The following KCNK13 variants were observed in gnomAD, a reference collection of about 807,000 sequenced individuals.
KCNK13 encodes the protein potassium two pore domain channel subfamily K member 13.
KCNK13 carries 12 observed loss-of-function variants against 23.4 expected under a neutral mutation model. The ratio of observed to expected loss-of-function variants is 0.51; its 90% CI spans 0.33 to 0.83. The LOEUF is 0.83. KCNK13 is among the 40% of genes least tolerant of loss of function. The probability of loss-of-function intolerance (pLI) is 0.02; values close to 1 mark genes in which losing one functional copy is unlikely to be tolerated. For synonymous variants in KCNK13, 231 were observed against 229.5 expected (o/e 1.01, Z -0.06); for missense variants, 463 against 556.3 (o/e 0.83, Z 1.69).
chr14:90,070,771 A>G (rs1889064019), intron 1 of KCNK13, among the ~76,000 whole-genome samples: 1 of 152,200 alleles, frequency 6.6e-6, no homozygotes, highest in Non-Finnish European at 1.5e-5. Context: ...CATGCGAACA[A>G]TGGCAGGTGC....
intron 1 of KCNK13, among the ~76,000 whole-genome samples, chr14:90,141,897 C>G (rs946366925): frequency 6.6e-5 from 10 of 152,038 alleles, no homozygotes; most frequent in Admixed American, 5.9e-4. Flanking sequence ...ATTCTCCTGC[C>G]TCAGCCTCCC....
At chr14:90,065,236 C>G (rs1888994530) in intron 1 of KCNK13, among the ~76,000 whole-genome samples, 1 of 152,042 alleles carries the variant, frequency 6.6e-6, no homozygotes. Context: ...AAATTAATTC[C>G]ACCATGCTTT....
chr14:90,119,339 A>G (rs748262020), intron 1 of KCNK13, among the ~76,000 whole-genome samples: 2 of 152,182 alleles, frequency 1.3e-5, no homozygotes, highest in African/African-American at 2.4e-5. Flanking sequence ...AGATGCAACA[A>G]AAAAAGAAAA....
intron 1 of KCNK13, among the ~76,000 whole-genome samples, chr14:90,086,252 A>G (rs889724263): frequency 2.6e-5 from 4 of 152,064 alleles, no homozygotes; most frequent in South Asian, 2.1e-4. Context: ...CATATACTAT[A>G]TTTTTCCTCT....
At chr14:90,155,658 T>C (rs1281302372) in intron 1 of KCNK13, among the ~76,000 whole-genome samples, 2 of 152,160 alleles carry the variant, frequency 1.3e-5, no homozygotes, top group Non-Finnish European at 1.5e-5. Flanking sequence ...GATCTCTTGA[T>C]GGATCGGATG....
chr14:90,146,698 G>T (rs146303313), intron 1 of KCNK13, among the ~76,000 whole-genome samples: 143 of 152,098 alleles, frequency 9.4e-4, no homozygotes, highest in African/African-American at 3.2e-3. Context: ...GCAGCATATA[G>T]TTGAATTTGA....
At position 90,082,752 on chromosome 14, in the gene KCNK13, G is replaced by A. The variant is rs141105204; in HGVS notation, c.334+20213G>A. Among the ~76,000 whole-genome samples, 417 of 152,150 alleles carry A rather than the reference G, an allele frequency of 2.7e-3. 3 individuals are homozygous for A. The highest frequency in any genetic ancestry group is 9.6e-3 in the African/African-American group (399 of 41,504). On this transcript the variant is annotated intron_variant, in intron 1 of 1. Coordinates refer to ENST00000282146, the MANE Select transcript of KCNK13 (RefSeq NM_022054.4). The stretch of plus-strand genomic sequence containing the variant: ...CAATGTCGAATAAGTTTATAAAAAC[G>A]TATGTCCACAGAACACAAGTTTTCT...
At chr14:90,121,225 C>T (rs888721544) in intron 1 of KCNK13, among the ~76,000 whole-genome samples, 6 of 152,080 alleles carry the variant, frequency 3.9e-5, no homozygotes, top group Admixed American at 1.3e-4. Flanking sequence ...CAGAATTGCC[C>T]GTTTATGTAA....
At chr14:90,137,765 A>G (rs1186534164) in intron 1 of KCNK13, among the ~76,000 whole-genome samples, 1 of 152,254 alleles carries the variant, frequency 6.6e-6, no homozygotes, top group Non-Finnish European at 1.5e-5. Flanking sequence ...ATCACATTAG[A>G]ACTGCAAATG....
intron 1 of KCNK13, among the ~76,000 whole-genome samples, chr14:90,157,692 C>T (rs1488178843): frequency 8.0e-6 from 1 of 125,542 alleles, no homozygotes; most frequent in African/African-American, 3.1e-5. Context: ...CCATACCTGG[C>T]TTGGCTTTCC....
rs79324481 is a variant in KCNK13 at position 90,088,818 on chromosome 14, T to G, written c.334+26279T>G. On this transcript the variant is annotated intron_variant, in intron 1 of 1. Coordinates refer to ENST00000282146, the MANE Select transcript of KCNK13 (RefSeq NM_022054.4). ...TTGAATTATGGGGTTGAGTCTTTCC[T>G]GTGCTATTCTCATGATAGAGAATGA... Among the ~76,000 whole-genome samples the G allele has an allele frequency of 3.1e-3, 466 of 152,312 alleles. 4 individuals carry two copies. The highest frequency in any genetic ancestry group is 0.011 in the African/African-American group (453 of 41,566).
intron 1 of KCNK13, among the ~76,000 whole-genome samples, chr14:90,088,289 A>T (rs1889304190): frequency 6.6e-6 from 1 of 152,200 alleles, no homozygotes; most frequent in South Asian, 2.1e-4. Flanking sequence ...TATTAGGTCC[A>T]CAGATGTTGA....
chr14:90,067,920 A>G (rs1288950662), intron 1 of KCNK13, among the ~76,000 whole-genome samples: 1 of 152,142 alleles, frequency 6.6e-6, no homozygotes, highest in African/African-American at 2.4e-5. Context: ...CTGCAGTAAC[A>G]AGCTACTCCC....
At chr14:90,066,253 G>A (rs564015695) in intron 1 of KCNK13, among the ~76,000 whole-genome samples, 1 of 151,808 alleles carries the variant, frequency 6.6e-6, no homozygotes, top group East Asian at 1.9e-4. Context: ...TGGGATTACA[G>A]GTGTGACCCA....
intron 1 of KCNK13, among the ~76,000 whole-genome samples, chr14:90,141,410 G>C (rs781600488): frequency 2.0e-5 from 3 of 152,198 alleles, no homozygotes; most frequent in Non-Finnish European, 2.9e-5. Flanking sequence ...GTAAGGAACA[G>C]ATGCATCATG....
chr14:90,081,306 T>C (rs1889206425), intron 1 of KCNK13, among the ~76,000 whole-genome samples: 1 of 152,234 alleles, frequency 6.6e-6, no homozygotes, highest in Admixed American at 6.5e-5. Context: ...TAAAAAATTC[T>C]TAATATGTAT....
intron 1 of KCNK13, among the ~76,000 whole-genome samples, chr14:90,155,136 G>C (rs1198469940): frequency 6.6e-6 from 1 of 152,176 alleles, no homozygotes; most frequent in African/African-American, 2.4e-5. Flanking sequence ...GGAGTTTTGA[G>C]TTTTCTTTAG....
At chr14:90,178,239 A>C (rs1890445542) in intron 1 of KCNK13, among the ~76,000 whole-genome samples, 1 of 149,874 alleles carries the variant, frequency 6.7e-6, no homozygotes, top group Admixed American at 6.6e-5. Flanking sequence ...AGCAAAAAAA[A>C]AAAAAAAAAA....
At chr14:90,165,897 A>G (rs1890296969) in intron 1 of KCNK13, among the ~76,000 whole-genome samples, 1 of 152,178 alleles carries the variant, frequency 6.6e-6, no homozygotes, top group South Asian at 2.1e-4. Flanking sequence ...CTCTCAGGGA[A>G]ATGAAACGTT....
Sources: allele counts gnomAD v4.1 joint callset (sites outside exome capture counted in the v4.1 genomes callset), GRCh38; gene constraint gnomAD v4.1.1; transcripts MANE v1.5; gene names NCBI Gene and HGNC (gene_info 2026-07-23, HGNC 2026-07-21).